HS6ST3: variants seen among roughly 807,000 people sequenced by gnomAD.
HS6ST3 encodes heparan-sulfate 6-O-sulfotransferase 3.
A neutral mutation model predicts 36.7 loss-of-function variants in HS6ST3; 12 were observed. The ratio of observed to expected loss-of-function variants is 0.33; its 90% CI spans 0.21 to 0.53. The LOEUF (loss-of-function observed/expected upper bound fraction) is 0.53, where lower values mean the gene tolerates loss of function less well. HS6ST3 is among the 20% of genes least tolerant of loss of function. HS6ST3 has a pLI of 0.95. For missense variants in HS6ST3, 584 were observed against 640.9 expected, an observed-to-expected ratio of 0.91 and a Z score of 0.96; for synonymous variants, 240 against 257.5, an observed-to-expected ratio of 0.93 and a Z score of 0.65.
intron 1 of HS6ST3, among the ~76,000 whole-genome samples, chr13:96,697,799 A>G (rs1262792692): frequency 6.6e-6 from 1 of 152,178 alleles, no homozygotes; most frequent in South Asian, 2.1e-4. Context: ...GTATATCTTA[A>G]TGGCCCATCC....
intron 1 of HS6ST3, among the ~76,000 whole-genome samples, chr13:96,188,346 G>A (rs2054274082): frequency 6.6e-6 from 1 of 152,092 alleles, no homozygotes; most frequent in Non-Finnish European, 1.5e-5. Context: ...TGGGCATGGT[G>A]GCTTATGCCT....
chr13:96,262,716 T>G (rs976598358), intron 1 of HS6ST3, among the ~76,000 whole-genome samples: 17 of 152,306 alleles, frequency 1.1e-4, no homozygotes, highest in Non-Finnish European at 2.1e-4. Flanking sequence ...TTCCTTTCTC[T>G]TTAGCTTTCA....
At chr13:96,227,715 G>A (rs548089962) in intron 1 of HS6ST3, among the ~76,000 whole-genome samples, 11 of 152,168 alleles carry the variant, frequency 7.2e-5, no homozygotes, top group Non-Finnish European at 1.6e-4. Flanking sequence ...TCAACTGCTG[G>A]AAACAAAGCT....
chr13:96,638,189 A>C (rs2056556486), intron 1 of HS6ST3, among the ~76,000 whole-genome samples: 1 of 152,078 alleles, frequency 6.6e-6, no homozygotes, highest in African/African-American at 2.4e-5. Flanking sequence ...ACCTATCATC[A>C]GTACCAGAAA....
At position 96,130,723 on chromosome 13, in the gene HS6ST3, G is replaced by T. The variant is rs146103644; in HGVS notation, c.707+39154G>T. Among the ~76,000 whole-genome samples the T allele has an allele frequency of 3.9e-3, 599 of 152,238 alleles. 1 individual carries two copies. Among genetic ancestry groups the T allele is most frequent in the Non-Finnish European group, 6.3e-3 (428 of 68,020 alleles). ...GGTTAAGCCTTGGGCTTTTCAGTCA[G>T]CTCTCTAGTATTGCATTAAAAACTG... On this transcript the variant is annotated intron_variant, in intron 1 of 1. Coordinates refer to ENST00000376705, the MANE Select transcript of HS6ST3 (RefSeq NM_153456.4).
At chr13:96,724,071 A>C (rs973386704) in intron 1 of HS6ST3, among the ~76,000 whole-genome samples, 14 of 152,176 alleles carry the variant, frequency 9.2e-5, no homozygotes, top group Non-Finnish European at 1.5e-5. Flanking sequence ...TCGTCCCAGC[A>C]GGCTCCTCAG....
chr13:96,245,905 T>A (rs2054582867), intron 1 of HS6ST3, among the ~76,000 whole-genome samples: 1 of 152,152 alleles, frequency 6.6e-6, no homozygotes, highest in African/African-American at 2.4e-5. Flanking sequence ...GGGAACATCC[T>A]GGGATAATAG....
chr13:96,379,280 ATGT>A (rs1268191796), intron 1 of HS6ST3, among the ~76,000 whole-genome samples: 1 of 152,164 alleles, frequency 6.6e-6, no homozygotes, highest in Non-Finnish European at 1.5e-5. Flanking sequence ...CCCTAAGGTG[ATGT>A]TATTCAGAGG....
At chr13:96,699,727 G>A (rs1875234622) in intron 1 of HS6ST3, among the ~76,000 whole-genome samples, 1 of 152,198 alleles carries the variant, frequency 6.6e-6, no homozygotes, top group Non-Finnish European at 1.5e-5. Context: ...ATTTGACCCA[G>A]CCATCCCATT....
chr13:96,788,655 G>C (rs1398998407), intron 1 of HS6ST3, among the ~76,000 whole-genome samples: 2 of 151,848 alleles, frequency 1.3e-5, no homozygotes, highest in African/African-American at 4.8e-5. Context: ...TGACTTGCCT[G>C]TTTTTCCTTT....
chr13:96,591,002 G>A (rs111690919), intron 1 of HS6ST3, among the ~76,000 whole-genome samples: 3 of 150,778 alleles, frequency 2.0e-5, no homozygotes, highest in African/African-American at 7.3e-5. Flanking sequence ...TTTGCTGTAG[G>A]TGTATAAATT....
In HS6ST3 at chr13:96,321,402, T is replaced by G. The variant is rs1389420033; in HGVS notation, c.707+229833T>G. On this transcript the variant is annotated intron_variant, in intron 1 of 1. Coordinates refer to ENST00000376705, the MANE Select transcript of HS6ST3 (RefSeq NM_153456.4). ...TTTATCACCACTCCTTTGCAGATGA[T>G]TTTTTTTCCTCCAGTCTTCCTCAGC... Among the ~76,000 whole-genome samples, 23 of 152,086 alleles carry G rather than the reference T, an allele frequency of 1.5e-4. 1 individual carries two copies. The highest frequency in any genetic ancestry group is 1.5e-3 in the Admixed American group (23 of 15,254).
intron 1 of HS6ST3, among the ~76,000 whole-genome samples, chr13:96,222,749 G>A (rs1223776978): frequency 6.6e-6 from 1 of 152,178 alleles, no homozygotes; most frequent in African/African-American, 2.4e-5. Context: ...TTACACTTAG[G>A]ACTTCTATGC....
At chr13:96,506,353 A>C (rs982292397) in intron 1 of HS6ST3, among the ~76,000 whole-genome samples, 1 of 152,132 alleles carries the variant, frequency 6.6e-6, no homozygotes, top group African/African-American at 2.4e-5. Context: ...GGATGCTGGA[A>C]TGAGTACTGA....
intron 1 of HS6ST3, among the ~76,000 whole-genome samples, chr13:96,180,282 T>C (rs147601586): frequency 1.2e-3 from 187 of 152,318 alleles, no homozygotes; most frequent in Non-Finnish European, 2.3e-3. Flanking sequence ...AGCTACACTT[T>C]TGCTCTCTGA....
At chr13:96,141,372 G>C (rs75735541) in intron 1 of HS6ST3, among the ~76,000 whole-genome samples, 2,293 of 151,958 alleles carry the variant, frequency 0.015, 38 homozygotes, top group East Asian at 0.072. Flanking sequence ...AAGAAACAGG[G>C]TCTTGCTCTG....
intron 1 of HS6ST3, among the ~76,000 whole-genome samples, chr13:96,554,115 C>CA (rs2056230657): frequency 6.6e-6 from 1 of 152,108 alleles, no homozygotes; most frequent in African/African-American, 2.4e-5. Context: ...AATGTGGTGC[C>CA]ACAGCTCAGG....
rs531210213 is a variant in HS6ST3, at chr13:96,526,550, C to T, written c.708-305940C>T. On this transcript the variant is annotated intron_variant, in intron 1 of 1. Transcript: ENST00000376705. ...GTAAATTGGCAACTCACCTTTTTTT[C>T]CCTAGTACCATTGCTAGGGGTTGGA... Among the ~76,000 whole-genome samples, 167 of 152,078 alleles carry T rather than the reference C, an allele frequency of 1.1e-3. 1 individual carries two copies. The highest frequency in any genetic ancestry group is 3.4e-3 in the Middle Eastern group (1 of 294).
rs1019492793 is a variant in HS6ST3, at chr13:96,268,846, CTT to C, written c.707+177279_707+177280del. On this transcript the variant is annotated intron_variant, in intron 1 of 1. Transcript: ENST00000376705. ...ACACGCACACACATACACACACACA[CTT>C]TGAAAACTATCCATGAATCACATTC... is the stretch of plus-strand genomic sequence containing the variant. Among the ~76,000 whole-genome samples the C allele has an allele frequency of 5.4e-4, 82 of 152,016 alleles. 2 individuals carry two copies. Among genetic ancestry groups the C allele is most frequent in the African/African-American group, 1.9e-3 (78 of 41,382 alleles).
Sources: gnomAD v4.1 joint callset for allele counts (sites outside exome capture counted in the v4.1 genomes callset) on GRCh38, gnomAD v4.1.1 for gene constraint, MANE v1.5 for transcripts, NCBI Gene and HGNC (gene_info 2026-07-23, HGNC 2026-07-21) for gene names.